The following KDM4C variants were observed in gnomAD, a reference collection of about 807,000 sequenced individuals.
KDM4C encodes lysine demethylase 4C.
A neutral mutation model predicts 129.3 loss-of-function variants in KDM4C; 81 were observed. The observed-to-expected ratio is 0.63, with a 90% CI of 0.52 to 0.75. The LOEUF is 0.75. KDM4C is among the 30% of genes least tolerant of loss of function. The pLI is 0.00. For synonymous variants in KDM4C, 573 were observed against 456.1 expected, an observed-to-expected ratio of 1.26 and a Z score of -3.26; for missense variants, 1,457 against 1,304.0, an observed-to-expected ratio of 1.12 and a Z score of -1.81.
intron 18 of KDM4C, among the ~76,000 whole-genome samples, chr9:7,122,265 A>ACACG (rs375655422): frequency 1.4e-5 from 2 of 144,714 alleles, no homozygotes; most frequent in South Asian, 2.2e-4. Context: ...ACACACACAC[A>ACACG]CTCTCTCTCT....
At chr9:7,021,757 A>G (rs1305043250) in intron 15 of KDM4C, among the ~76,000 whole-genome samples, 2 of 152,268 alleles carry the variant, frequency 1.3e-5, no homozygotes, top group African/African-American at 4.8e-5. Flanking sequence ...GAGTTTCCCA[A>G]TATTTTCTGT....
intron 12 of KDM4C, among the ~76,000 whole-genome samples, chr9:7,009,557 A>C (rs534194197): frequency 3.3e-5 from 5 of 152,306 alleles, no homozygotes; most frequent in South Asian, 2.1e-4. Flanking sequence ...AGTATGAGGT[A>C]GTCAATATAA....
chr9:6,910,679 A>T (rs1819132506), intron 8 of KDM4C, among the ~76,000 whole-genome samples: 1 of 152,230 alleles, frequency 6.6e-6, no homozygotes, highest in Admixed American at 6.5e-5. Flanking sequence ...AGCCTTAGAA[A>T]TGTGTGCCCT....
chr9:6,816,416 C>A (rs1464636493), intron 4 of KDM4C, among the ~76,000 whole-genome samples: 2 of 151,206 alleles, frequency 1.3e-5, no homozygotes, highest in Non-Finnish European at 3.0e-5. Flanking sequence ...CCCTTTTCCT[C>A]CAAAGGTAAC....
chr9:6,780,486 G>T (rs1046656894), intron 1 of KDM4C, among the ~76,000 whole-genome samples: 1 of 151,770 alleles, frequency 6.6e-6, no homozygotes, highest in Non-Finnish European at 1.5e-5. Flanking sequence ...AGAGAAATTG[G>T]CCAGGTGCTG....
At chr9:7,157,314 C>G (rs1270015247) in intron 19 of KDM4C, among the ~76,000 whole-genome samples, 1 of 152,190 alleles carries the variant, frequency 6.6e-6, no homozygotes, top group Non-Finnish European at 1.5e-5. Flanking sequence ...GACAATTTGA[C>G]TTCCTCTTTT....
intron 2 of KDM4C, among the ~76,000 whole-genome samples, chr9:6,803,405 A>G (rs996583986): frequency 1.1e-4 from 16 of 152,042 alleles, no homozygotes; most frequent in African/African-American, 3.9e-4. Context: ...AACTCGTCCT[A>G]TTAAAAATGC....
rs552740893 is a variant in KDM4C, at chr9:6,903,685, A to G, written c.921+10453A>G. The stretch of plus-strand genomic sequence containing the variant: ...TTGTGTCCATACACTGTAATTTTTA[A>G]AAATTTTACAGAAAAGCATTGGAAA... On this transcript the variant is annotated intron_variant, in intron 8 of 21. Transcript: ENST00000381309. Among the ~76,000 whole-genome samples the G allele has an allele frequency of 1.9e-4, 29 of 152,338 alleles. No homozygotes were observed. The East Asian group carries it at 4.4e-3, about 23-fold the overall frequency.
At position 7,078,921 on chromosome 9, in the gene KDM4C, A is replaced by G. The variant is rs541154922; in HGVS notation, c.2425-24764A>G. Among the ~76,000 whole-genome samples the G allele has an allele frequency of 5.3e-5, 8 of 152,338 alleles. No homozygotes were observed. The South Asian group carries it at 1.7e-3, about 32-fold the overall frequency. ...AAGATTTATTGCAGTGAAAGGATAC[A>G]AAGCAAAGTTTGCTTATACATCAGT... On this transcript the variant is annotated intron_variant, in intron 17 of 21. Transcript: ENST00000381309.
chr9:6,957,103 A>G lies in KDM4C; in HGVS notation c.922-23822A>G, dbSNP rs78077862. The stretch of plus-strand genomic sequence containing the variant: ...TATGAGCCATTATCTTCTGTTTGTG[A>G]TATTTTTCAAGCTGCATTATCTAGA... On this transcript the variant is annotated intron_variant, in intron 8 of 21. Transcript: ENST00000381309. Among the ~76,000 whole-genome samples the G allele has an allele frequency of 2.5e-3, 384 of 152,210 alleles. 11 individuals carry two copies. In the East Asian group the frequency reaches 0.056, roughly 22 times the overall value.
chr9:6,912,662 T>G (rs901574463), intron 8 of KDM4C, among the ~76,000 whole-genome samples: 3 of 152,118 alleles, frequency 2.0e-5, no homozygotes, highest in Non-Finnish European at 2.9e-5. Flanking sequence ...TTTAACTAAT[T>G]TTGGTTTTGC....
intron 1 of KDM4C, among the ~76,000 whole-genome samples, chr9:6,790,411 A>AT (rs544879618): frequency 0.026 from 3,679 of 141,884 alleles, 83 homozygotes; most frequent in African/African-American, 0.059. Flanking sequence ...CACCTGGCTA[A>AT]TTTTTTTTTT....
intron 17 of KDM4C, among the ~76,000 whole-genome samples, chr9:7,054,977 G>T (rs1159500281): frequency 1.3e-5 from 2 of 152,070 alleles, no homozygotes; most frequent in Non-Finnish European, 2.9e-5. Context: ...TTAGCATTGA[G>T]ACCATCCTGG....
chr9:6,752,987 C>A (rs370478933), upstream of KDM4C, among the ~76,000 whole-genome samples: 74 of 152,258 alleles, frequency 4.9e-4, 1 homozygote, highest in East Asian at 0.011. Context: ...GAAACCCATG[C>A]CTCACCCTAG....
intron 1 of KDM4C, among the ~76,000 whole-genome samples, chr9:6,761,122 G>A (rs2130432976): frequency 6.7e-6 from 1 of 149,818 alleles, no homozygotes; most frequent in East Asian, 2.0e-4. Flanking sequence ...CGATTCTCCT[G>A]CCTCAGCCAA....
At chr9:7,156,753 T>C (rs1217668516) in intron 19 of KDM4C, among the ~76,000 whole-genome samples, 1 of 152,236 alleles carries the variant, frequency 6.6e-6, no homozygotes, top group Non-Finnish European at 1.5e-5. Context: ...TTGGTTACTG[T>C]AGCCTTGTAG....
At chr9:7,088,012 A>G (rs903276712) in intron 17 of KDM4C, among the ~76,000 whole-genome samples, 1 of 152,222 alleles carries the variant, frequency 6.6e-6, no homozygotes. Flanking sequence ...CTTATCAAAA[A>G]TACAGATTTC....
At chr9:6,728,088 A>AAAAAAAGT (rs1817200408) in intron 1 of KDM4C, among the ~76,000 whole-genome samples, 1 of 145,238 alleles carries the variant, frequency 6.9e-6, no homozygotes, top group African/African-American at 2.6e-5. Flanking sequence ...AAAAAAAAAA[A>AAAAAAAGT]AAAAAAGTGT....
intron 8 of KDM4C, among the ~76,000 whole-genome samples, chr9:6,956,880 G>A (rs1161041816): frequency 6.6e-6 from 1 of 152,126 alleles, no homozygotes; most frequent in Non-Finnish European, 1.5e-5. Context: ...CAGCTGGAGC[G>A]CTATAGTTTC....
Sources: gnomAD v4.1 joint callset for allele counts (sites outside exome capture counted in the v4.1 genomes callset) on GRCh38, gnomAD v4.1.1 for gene constraint, MANE v1.5 for transcripts, NCBI Gene and HGNC (gene_info 2026-07-23, HGNC 2026-07-21) for gene names.